The following CCDC158 variants were observed in gnomAD, a reference collection of about 807,000 sequenced individuals.
CCDC158 encodes the protein coiled-coil domain-containing protein 158.
Under a neutral mutation model 138.6 loss-of-function variants are expected in CCDC158, and 116 were observed. The observed-to-expected ratio is 0.84, with a 90% CI of 0.72 to 0.98. The LOEUF is 0.98. Ranked by LOEUF, CCDC158 falls within the 50% of genes least tolerant of loss-of-function variation. CCDC158 has a pLI of 0.00. For missense variants in CCDC158, 1,265 were observed against 1,306.1 expected, an observed-to-expected ratio of 0.97 and a Z score of 0.48; for synonymous variants, 436 against 442.4, an observed-to-expected ratio of 0.99 and a Z score of 0.18.
intron 11 of CCDC158, 145 bp from the exon 12 acceptor site, chr4:76,367,921 G>T: frequency 2.7e-6 from 2 of 752,482 alleles, no homozygotes; most frequent in Non-Finnish European, 4.0e-6. Flanking sequence ...AGAGATGGGG[G>T]TCTCACTGTG....
At chr4:76,404,930 G>A (rs889009361) in intron 2 of CCDC158, among the ~76,000 whole-genome samples, 1 of 151,934 alleles carries the variant, frequency 6.6e-6, no homozygotes, top group Non-Finnish European at 1.5e-5. Flanking sequence ...GGTAAATGAG[G>A]TTGAATATAA....
chr4:76,390,949 A>G (rs1475855455), intron 4 of CCDC158, among the ~76,000 whole-genome samples: 1 of 152,090 alleles, frequency 6.6e-6, no homozygotes, highest in Non-Finnish European at 1.5e-5. Flanking sequence ...TAAAATACCT[A>G]TGGAGCCATG....
chr4:76,397,211 G>GA (rs375388366), intron 3 of CCDC158, among the ~76,000 whole-genome samples: 92 of 146,466 alleles, frequency 6.3e-4, no homozygotes, highest in Middle Eastern at 3.4e-3. Context: ...CTTAATTTTG[G>GA]AAAAAAAAAA....
Position 76,353,274 on chromosome 4 carries a change from T to C in CCDC158, c.2294A>G (p.His765Arg), listed in dbSNP as rs1723227426. 3 of 1,605,198 alleles carry C rather than the reference T, an allele frequency of 1.9e-6. No individual in the cohort carries two copies. In the African/African-American group the frequency reaches 4.0e-5, roughly 22 times the overall value. The change falls in exon 16 of 25, where the codon CAT (histidine) becomes CGT (arginine). Residue 765 changes from histidine to arginine, a missense_variant. Transcript: ENST00000682701. ...TTTACTTTTCTCTTCTTTCAGAAAA[T>C]GTTTCTCCTACAATTATATGAGAGA... is the stretch of plus-strand genomic sequence containing the variant. ...EAMTNANKEK[H>R]FLKEEKSKLS...
At chr4:76,394,761 TTTTG>T (rs1296955635) in intron 4 of CCDC158, among the ~76,000 whole-genome samples, 1 of 151,344 alleles carries the variant, frequency 6.6e-6, no homozygotes. Flanking sequence ...ATATATACCT[TTTTG>T]TTTAATTAAA....
intron 9 of CCDC158, among the ~76,000 whole-genome samples, chr4:76,377,931 A>C (rs1371483891): frequency 6.6e-6 from 1 of 152,234 alleles, no homozygotes; most frequent in Non-Finnish European, 1.5e-5. Flanking sequence ...AGCTGGCATC[A>C]CATGTAATAG....
At chr4:76,413,543 GGA>G (rs1729463310) in intron 1 of CCDC158, among the ~76,000 whole-genome samples, 1 of 151,896 alleles carries the variant, frequency 6.6e-6, no homozygotes, top group South Asian at 2.1e-4. Context: ...ACTAATGAAT[GGA>G]AGTAAAGAGA....
intron 24 of CCDC158, among the ~76,000 whole-genome samples, chr4:76,315,107 G>T (rs1003477379): frequency 2.0e-5 from 3 of 152,208 alleles, no homozygotes; most frequent in African/African-American, 7.2e-5. Context: ...GTGGGAGCAA[G>T]ATTGGCCTTG....
Position 76,379,409 on chromosome 4 carries a change from G to A in CCDC158, c.915-5C>T, listed in dbSNP as rs776184484. ...TTTTGGTTTCTTGCTTGCTCTCTAA[G>A]AAGAGTTTAGAAGGGGAATAAGTGC... On this transcript the variant is annotated splice_polypyrimidine_tract_variant and splice_region_variant and intron_variant, in intron 8 of 24. Coordinates refer to ENST00000682701, the MANE Select transcript of CCDC158 (RefSeq NM_001394954.1). 1.7e-5 allele frequency: 26 copies of A among 1,554,904 alleles called. No homozygotes were observed. The South Asian group carries it at 3.1e-4, about 19-fold the overall frequency.
intron 14 of CCDC158, among the ~76,000 whole-genome samples, chr4:76,356,891 A>AG (rs1723623585): frequency 6.6e-6 from 1 of 152,196 alleles, no homozygotes; most frequent in African/African-American, 2.4e-5. Flanking sequence ...GCAAGGTAAA[A>AG]GGGGAATAAA....
At chr4:76,337,245 C>T (rs1205682089) in intron 18 of CCDC158, among the ~76,000 whole-genome samples, 5 of 152,156 alleles carry the variant, frequency 3.3e-5, no homozygotes, top group Admixed American at 3.3e-4. Context: ...CCGCCTCGGC[C>T]TCCCAAAGTG....
At chr4:76,339,573 G>A (rs1191839088) in intron 18 of CCDC158, among the ~76,000 whole-genome samples, 1 of 152,240 alleles carries the variant, frequency 6.6e-6, no homozygotes, top group Non-Finnish European at 1.5e-5. Context: ...CACATGTTAT[G>A]TGTGCTTTTA....
chr4:76,322,730 A>G (rs6820820), intron 24 of CCDC158, among the ~76,000 whole-genome samples: 31,483 of 152,128 alleles, frequency 0.21, 3,668 homozygotes, highest in South Asian at 0.39. Context: ...GCTCCCCCAT[A>G]TTCATGGTAC....
intron 1 of CCDC158, among the ~76,000 whole-genome samples, chr4:76,418,055 A>G (rs1729836670): frequency 6.6e-6 from 1 of 152,204 alleles, no homozygotes; most frequent in African/African-American, 2.4e-5. Context: ...GGGGCCTTGA[A>G]AAGGCCACAT....
chr4:76,396,658 G>A (rs62303269), intron 3 of CCDC158, among the ~76,000 whole-genome samples, 172 bp from the exon 4 acceptor site: 1,119 of 151,940 alleles, frequency 7.4e-3, no homozygotes, highest in Non-Finnish European at 0.011. Flanking sequence ...TTACAGGAGC[G>A]TGCCACCATG....
At chr4:76,334,905 T>C (rs981229867) in intron 18 of CCDC158, among the ~76,000 whole-genome samples, 11 of 152,308 alleles carry the variant, frequency 7.2e-5, no homozygotes, top group Admixed American at 2.6e-4. Context: ...TTTTATTCAC[T>C]GGGCTTTAAT....
chr4:76,355,045 C>T (rs1723409191), intron 15 of CCDC158, among the ~76,000 whole-genome samples: 1 of 152,182 alleles, frequency 6.6e-6, no homozygotes, highest in Non-Finnish European at 1.5e-5. Flanking sequence ...TTTTTACAAA[C>T]ATGTATGTCA....
At chr4:76,364,312 G>A (rs973464860) in intron 12 of CCDC158, among the ~76,000 whole-genome samples, 2 of 152,104 alleles carry the variant, frequency 1.3e-5, no homozygotes, top group African/African-American at 4.8e-5. Flanking sequence ...CCTCCTAACT[G>A]GTCTCTATCT....
chr4:76,376,215 A>G (rs893832735), intron 9 of CCDC158, among the ~76,000 whole-genome samples: 12 of 152,054 alleles, frequency 7.9e-5, no homozygotes, highest in Admixed American at 7.9e-4. Context: ...TACCATGCCC[A>G]GCTAACTTTT....
Sources: allele counts gnomAD v4.1 joint callset (sites outside exome capture counted in the v4.1 genomes callset), GRCh38; gene constraint gnomAD v4.1.1; transcripts MANE v1.5; gene names NCBI Gene and HGNC (gene_info 2026-07-23, HGNC 2026-07-21).